Variants in MIS18BP1 observed in about 807,000 individuals in gnomAD.
MIS18BP1 encodes the protein mis18-binding protein 1.
A neutral mutation model predicts 116.1 loss-of-function variants in MIS18BP1; 72 were observed. The ratio of observed to expected loss-of-function variants is 0.62; its 90% CI spans 0.51 to 0.75. The LOEUF is 0.75. Ranked by LOEUF, MIS18BP1 falls within the 30% of genes least tolerant of loss-of-function variation. MIS18BP1 has a pLI of 0.00. For missense variants in MIS18BP1, 1,363 were observed against 1,303.2 expected (o/e 1.05, Z -0.71); for synonymous variants, 386 against 427.0 (o/e 0.90, Z 1.18).
chr14:45,209,306 T>C (rs975592511), intron 14 of MIS18BP1, among the ~76,000 whole-genome samples: 1 of 151,968 alleles, frequency 6.6e-6, no homozygotes, highest in Non-Finnish European at 1.5e-5. Context: ...TTTATCATAA[T>C]AGCAATAAAA....
At chr14:45,252,945 C>T (rs1469466416) in intron 1 of MIS18BP1, 90 bp downstream of exon 1, 1 of 152,244 alleles carries the variant, frequency 6.6e-6, no homozygotes, top group Non-Finnish European at 1.5e-5. Flanking sequence ...ATAAATAAAA[C>T]CGCGTGAGCC....
chr14:45,213,837 A>C (rs1890740884), intron 13 of MIS18BP1, among the ~76,000 whole-genome samples: 1 of 152,208 alleles, frequency 6.6e-6, no homozygotes, highest in Non-Finnish European at 1.5e-5. Context: ...GATGCTGTTA[A>C]TCTGTAACCT....
At position 45,224,045 on chromosome 14, in the gene MIS18BP1, C is replaced by A; in HGVS notation, c.2542G>T (p.Val848Phe). Residue 848 changes from valine to phenylalanine, a missense_variant, in exon 11 of 17, where the codon GTT becomes TTT. Coordinates refer to ENST00000310806, the MANE Select transcript of MIS18BP1 (RefSeq NM_018353.5). ...TCAGTAATTGGAAACTCTTTCCTAA[C>A]ACCAGACTTCTGAAGAGTTTCTTTG... Reference protein sequence around the residue: ...SVKETLQKSGVRKEFPITEAV... With the variant: ...SVKETLQKSGFRKEFPITEAV... 1 of 1,613,858 alleles carries A rather than the reference C, an allele frequency of 6.2e-7. No homozygotes were observed.
At chr14:45,250,893 C>A (rs1252330781) in intron 1 of MIS18BP1, among the ~76,000 whole-genome samples, 1 of 152,092 alleles carries the variant, frequency 6.6e-6, no homozygotes, top group Non-Finnish European at 1.5e-5. Context: ...AAAAATTAGC[C>A]GGGCGTGGTG....
chr14:45,240,842 CA>C (rs1327856181), intron 4 of MIS18BP1, among the ~76,000 whole-genome samples: 5 of 151,986 alleles, frequency 3.3e-5, no homozygotes, highest in Non-Finnish European at 5.9e-5. Flanking sequence ...GCGGAGGTTG[CA>C]ATGAGCTGAG....
chr14:45,247,904 C>G (rs1891765171), intron 1 of MIS18BP1, among the ~76,000 whole-genome samples: 1 of 151,556 alleles, frequency 6.6e-6, no homozygotes. Flanking sequence ...TTTTTATGCT[C>G]CAGAGCATTT....
chr14:45,248,055 G>GTTTTTTTTTTTTTTTTTTT (rs3036381), intron 1 of MIS18BP1, among the ~76,000 whole-genome samples: 1 of 109,240 alleles, frequency 9.2e-6, no homozygotes. Context: ...TGTTTCTTTC[G>GTTTTTTTTTTTTTTTTTTT]TTTTTTTTTT....
At chr14:45,232,600 G>A in intron 7 of MIS18BP1, 133 bp downstream of exon 7, 1 of 628,468 alleles carries the variant, frequency 1.6e-6, no homozygotes, top group Non-Finnish European at 2.9e-6. Context: ...TTCGAGACCA[G>A]TCTGGCCAAC....
intron 8 of MIS18BP1, among the ~76,000 whole-genome samples, chr14:45,228,304 C>T (rs1048915373): frequency 6.6e-6 from 1 of 151,790 alleles, no homozygotes; most frequent in Non-Finnish European, 1.5e-5. Context: ...TTTTTTCCTT[C>T]AAAAAAAATT....
intron 10 of MIS18BP1, among the ~76,000 whole-genome samples, chr14:45,225,958 A>G (rs996630224): frequency 4.6e-5 from 7 of 152,166 alleles, no homozygotes; most frequent in Non-Finnish European, 7.4e-5. Flanking sequence ...GTAATAATCA[A>G]AATAATTTAG....
intron 11 of MIS18BP1, among the ~76,000 whole-genome samples, chr14:45,220,248 C>T (rs919599994): frequency 7.2e-5 from 11 of 152,136 alleles, no homozygotes; most frequent in Admixed American, 6.6e-4. Flanking sequence ...CAGGCACATA[C>T]CCCACACCCA....
At chr14:45,212,297 T>C (rs752719462) in intron 13 of MIS18BP1, among the ~76,000 whole-genome samples, 11 of 152,060 alleles carry the variant, frequency 7.2e-5, no homozygotes, top group Non-Finnish European at 1.0e-4. Context: ...ACTGACTAAA[T>C]TGGAAACAAG....
At position 45,246,990 on chromosome 14, in the gene MIS18BP1, C is replaced by T. The variant is rs547275320; in HGVS notation, c.297G>A (p.Lys99=). The change falls in exon 2 of 17, where the codon AAG becomes AAA. Residue 99 remains lysine (K), a synonymous_variant. Transcript: ENST00000310806. ...SLDISAIKPN[K]DGLKNKANYE... is the part of the protein sequence containing the mutation. ...AGTTTGCTTTATTTTTTAATCCATC[C>T]TTGTTGGGCTTTATAGCACTGATAT... 2.7e-5 allele frequency: 44 copies of T among 1,612,156 alleles called. No homozygotes were observed. In the South Asian group the frequency reaches 4.8e-4, roughly 17 times the overall value.
At position 45,204,173 on chromosome 14, in the gene MIS18BP1, T is replaced by C; in HGVS notation, c.3335A>G (p.Asn1112Ser). ...TTCTTCATCTAAAGATTCCACAGCA[T>C]TAGTGAAAAGTTTTCCAATACCAGA... ...ENSGIGKLFT[N>S]AVESLDEEEK... Residue 1112 changes from asparagine (N) to serine (S), a missense_variant, in exon 17 of 17, where the codon AAT (asparagine) becomes AGT (serine). By Grantham distance (46) the Asn-to-Ser change is conservative. Transcript: ENST00000310806. 1 of 1,611,596 alleles carries C rather than the reference T, an allele frequency of 6.2e-7. No individual in the cohort carries two copies. Among genetic ancestry groups the C allele is most frequent in the Non-Finnish European group, 8.5e-7 (1 of 1,179,024 alleles).
intron 5 of MIS18BP1, among the ~76,000 whole-genome samples, chr14:45,237,253 A>C (rs1011886923): frequency 6.6e-6 from 1 of 152,174 alleles, no homozygotes; most frequent in African/African-American, 2.4e-5. Context: ...GTTTTAAGTA[A>C]TTTTGATTCC....
At chr14:45,235,092 G>T (rs2139215467) in intron 6 of MIS18BP1, among the ~76,000 whole-genome samples, 1 of 151,946 alleles carries the variant, frequency 6.6e-6, no homozygotes, top group East Asian at 1.9e-4. Context: ...TGTAGTCCCA[G>T]CTACTCGGGA....
rs1262532002 is a variant in MIS18BP1, at chr14:45,237,722, C to T, written c.1144-1G>A. 6.3e-7 allele frequency: 1 copy of T among 1,597,122 alleles called. No homozygotes were observed. Among genetic ancestry groups the T allele is most frequent in the South Asian group, 1.1e-5 (1 of 87,802 alleles). ...TCATCCATTCCTGTAGCTGAACTAC[C>T]TAATCAAGTATAAAACAAAGAACAT... On this transcript the variant is annotated splice_acceptor_variant, in intron 4 of 16. Transcript: ENST00000310806. LOFTEE classifies it high-confidence loss of function.
Position 45,227,674 on chromosome 14 carries a change from A to G in MIS18BP1, c.1735T>C (p.Leu579=). The change falls in exon 9 of 17, where the codon TTA becomes CTA. Residue 579 remains leucine (L), a synonymous_variant. Transcript: ENST00000310806. The part of the protein sequence containing the change: ...NTIQNGGGDD[L]SNQELIGKKE... The stretch of plus-strand genomic sequence containing the variant: ...CAATAAAGCCTTACCTGATTAGATA[A>G]GTCATCTCCTCCTCCATTTTGAATA... 4.3e-6 allele frequency: 7 copies of G among 1,612,828 alleles called. No individual in the cohort carries two copies. Among genetic ancestry groups the G allele is most frequent in the Non-Finnish European group, 5.9e-6 (7 of 1,178,834 alleles).
intron 4 of MIS18BP1, among the ~76,000 whole-genome samples, chr14:45,240,582 C>CA (rs1891549334): frequency 6.6e-6 from 1 of 152,102 alleles, no homozygotes; most frequent in African/African-American, 2.4e-5. Flanking sequence ...CATGAATACA[C>CA]AGACCTCTTT....
Sources: allele counts gnomAD v4.1 joint callset (sites outside exome capture counted in the v4.1 genomes callset), GRCh38; gene constraint gnomAD v4.1.1; transcripts MANE v1.5; gene names NCBI Gene and HGNC (gene_info 2026-07-23, HGNC 2026-07-21).